Variants in CDH9 observed in about 807,000 individuals in gnomAD.
CDH9 encodes cadherin-9.
CDH9 carries 28 observed loss-of-function variants against 70.9 expected under a neutral mutation model. The ratio of observed to expected loss-of-function variants is 0.40; its 90% CI spans 0.29 to 0.54. CDH9 has a LOEUF of 0.54. CDH9 is among the 20% of genes least tolerant of loss of function. CDH9 has a pLI of 0.59. For synonymous variants in CDH9, 409 were observed against 343.1 expected (o/e 1.19, Z -2.12); for missense variants, 874 against 984.4 (o/e 0.89, Z 1.50).
intron 1 of CDH9, among the ~76,000 whole-genome samples, chr5:27,010,920 C>T (rs919361811): frequency 6.6e-6 from 1 of 152,104 alleles, no homozygotes; most frequent in African/African-American, 2.4e-5. Context: ...AGGCTGATAA[C>T]ACTTTATCAA....
rs573904307 is a variant in CDH9, at chr5:26,941,355, C to T, written c.229-25431G>A. Among the ~76,000 whole-genome samples the T allele has an allele frequency of 2.2e-4, 34 of 152,256 alleles. No homozygotes were observed. The South Asian group carries it at 6.0e-3, about 27-fold the overall frequency. ...TCTTCCATATGAGAGAACTTCCAGA[C>T]TCTTTGAAACCATGAGGAAACATCT... is the stretch of plus-strand genomic sequence containing the variant. On this transcript the variant is annotated intron_variant, in intron 2 of 11. Transcript: ENST00000231021.
chr5:26,911,427 T>C (rs1741051989), intron 3 of CDH9, among the ~76,000 whole-genome samples: 1 of 152,104 alleles, frequency 6.6e-6, no homozygotes, highest in South Asian at 2.1e-4. Flanking sequence ...CATGAAGAAT[T>C]CATTGACCGA....
chr5:26,950,729 C>T (rs1029178426), intron 2 of CDH9, among the ~76,000 whole-genome samples: 1 of 152,048 alleles, frequency 6.6e-6, no homozygotes, highest in Non-Finnish European at 1.5e-5. Context: ...GATAATTACA[C>T]TGATAAAATA....
intron 1 of CDH9, among the ~76,000 whole-genome samples, chr5:27,027,357 A>G (rs142444432): frequency 6.6e-6 from 1 of 152,056 alleles, no homozygotes; most frequent in Non-Finnish European, 1.5e-5. Flanking sequence ...GAAATTAATC[A>G]TTAAATTAAT....
chr5:27,035,264 T>A (rs527731057), intron 1 of CDH9, among the ~76,000 whole-genome samples: 4 of 150,908 alleles, frequency 2.7e-5, no homozygotes, highest in Non-Finnish European at 5.9e-5. Context: ...AAATTAAAGA[T>A]GGAGAGAGTT....
At chr5:26,893,372 G>T (rs1309801597) in intron 7 of CDH9, among the ~76,000 whole-genome samples, 1 of 151,940 alleles carries the variant, frequency 6.6e-6, no homozygotes, top group African/African-American at 2.4e-5. Context: ...CTTGGTCTCA[G>T]GTTTTACCTC....
At chr5:27,025,039 A>G (rs957148870) in intron 1 of CDH9, among the ~76,000 whole-genome samples, 6 of 152,134 alleles carry the variant, frequency 3.9e-5, no homozygotes, top group Non-Finnish European at 8.8e-5. Flanking sequence ...ATTTCCTTAT[A>G]GAAAATATCT....
At chr5:26,957,208 A>C (rs548086066) in intron 2 of CDH9, among the ~76,000 whole-genome samples, 1 of 152,290 alleles carries the variant, frequency 6.6e-6, no homozygotes, top group African/African-American at 2.4e-5. Context: ...TTTGTCTAAA[A>C]TACTAAAGGA....
At chr5:26,982,728 G>A (rs184655796) in intron 2 of CDH9, among the ~76,000 whole-genome samples, 35 of 151,850 alleles carry the variant, frequency 2.3e-4, no homozygotes, top group Middle Eastern at 3.4e-3. Context: ...TTGCTCCATC[G>A]CCCAGGCTCG....
intron 2 of CDH9, among the ~76,000 whole-genome samples, chr5:26,937,247 T>G (rs1253677328): frequency 6.6e-6 from 1 of 152,088 alleles, no homozygotes. Context: ...AAGACACACA[T>G]GGCAAATAAG....
intron 2 of CDH9, among the ~76,000 whole-genome samples, chr5:26,950,536 T>C (rs7705394): frequency 0.016 from 2,484 of 152,312 alleles, 64 homozygotes; most frequent in African/African-American, 0.056. Context: ...TAAAAATTAA[T>C]GCTGACATTC....
At chr5:26,990,947 G>A (rs1742570329) in intron 1 of CDH9, among the ~76,000 whole-genome samples, 1 of 152,120 alleles carries the variant, frequency 6.6e-6, no homozygotes, top group African/African-American at 2.4e-5. Flanking sequence ...TTTATGAGAT[G>A]GGGCAATAGA....
chr5:26,988,221 G>T lies in CDH9; in HGVS notation c.113C>A (p.Ala38Glu), dbSNP rs2288466. 2.5e-6 allele frequency: 4 copies of T among 1,613,036 alleles called. No homozygotes were observed. The highest frequency in any genetic ancestry group is 3.4e-6 in the Non-Finnish European group (4 of 1,179,528). Residue 38 changes from alanine (A) to glutamate (E), a missense_variant, in exon 2 of 12, where the codon GCG becomes GAG. Coordinates refer to ENST00000231021, the MANE Select transcript of CDH9 (RefSeq NM_016279.4). ...TTTACCGTCATCTTTTGTCAGACCCGCTATCTTTTTGCTTGATAAATAACT... is the reference window on the plus strand; with the variant it reads ...TTTACCGTCATCTTTTGTCAGACCCTCTATCTTTTTGCTTGATAAATAACT... ...PNSYLSSKKI[A>E]GLTKDDGKML...
intron 2 of CDH9, among the ~76,000 whole-genome samples, chr5:26,974,646 G>A (rs892421886): frequency 2.6e-5 from 4 of 152,138 alleles, no homozygotes; most frequent in Non-Finnish European, 5.9e-5. Context: ...ACAGTGACAT[G>A]AGTGTTAATT....
intron 2 of CDH9, among the ~76,000 whole-genome samples, chr5:26,950,127 A>G (rs772634623): frequency 2.8e-4 from 43 of 152,276 alleles, no homozygotes; most frequent in Middle Eastern, 3.4e-3. Flanking sequence ...ACTGGGTTTC[A>G]GTGATAGAGA....
At chr5:27,009,901 G>A (rs571686796) in intron 1 of CDH9, among the ~76,000 whole-genome samples, 1 of 152,192 alleles carries the variant, frequency 6.6e-6, no homozygotes, top group East Asian at 1.9e-4. Context: ...ACTTTGCTGT[G>A]TCTATTAAAT....
intron 2 of CDH9, among the ~76,000 whole-genome samples, chr5:26,962,444 TA>T (rs1198534350): frequency 6.6e-6 from 1 of 152,202 alleles, no homozygotes; most frequent in Admixed American, 6.5e-5. Context: ...GCCAACAGTG[TA>T]AAAGCATTCC....
chr5:26,899,467 A>T (rs1740813821), intron 7 of CDH9, among the ~76,000 whole-genome samples: 1 of 152,106 alleles, frequency 6.6e-6, no homozygotes. Context: ...AATACTATGC[A>T]GCCATAAAAA....
In CDH9 at chr5:26,975,134, G is replaced by A. The variant is rs1469667260; in HGVS notation, c.228+12972C>T. Among the ~76,000 whole-genome samples, 7 of 152,014 alleles carry A rather than the reference G, an allele frequency of 4.6e-5. No homozygotes were observed. The East Asian group carries it at 1.4e-3, about 29-fold the overall frequency. Reference sequence around the variant, plus strand: ...GTGGAAGTGCTCACAGAATTGCCCTGGAAAGAAGGAAAGCTACTTCCTGAT... The same window carrying A: ...GTGGAAGTGCTCACAGAATTGCCCTAGAAAGAAGGAAAGCTACTTCCTGAT... On this transcript the variant is annotated intron_variant, in intron 2 of 11. Transcript: ENST00000231021.
Sources: allele counts gnomAD v4.1 joint callset (sites outside exome capture counted in the v4.1 genomes callset), GRCh38; gene constraint gnomAD v4.1.1; transcripts MANE v1.5; gene names NCBI Gene and HGNC (gene_info 2026-07-23, HGNC 2026-07-21).